Variants in MRPL39 observed in about 807,000 individuals in gnomAD.
The protein encoded by MRPL39 is mitochondrial ribosomal protein L39, also known as large ribosomal subunit protein mL39.
In MRPL39, 35 loss-of-function variants were observed where a neutral mutation model predicts 44.5. That is an observed-to-expected ratio of 0.79 (90% confidence interval 0.60 to 1.04). The LOEUF (loss-of-function observed/expected upper bound fraction) is 1.04. Ranked by LOEUF, MRPL39 falls within the 50% of genes least tolerant of loss-of-function variation. The pLI is 0.00. For synonymous variants in MRPL39, 139 were observed against 136.1 expected (o/e 1.02, Z -0.15); for missense variants, 433 against 413.5 (o/e 1.05, Z -0.41).
intron 5 of MRPL39, among the ~76,000 whole-genome samples, chr21:25,598,664 CTT>C (rs1414785740): frequency 6.6e-6 from 1 of 151,860 alleles, no homozygotes; most frequent in Non-Finnish European, 1.5e-5. Flanking sequence ...TTCTCTCTCT[CTT>C]CCCTCTCCCT....
intron 6 of MRPL39, among the ~76,000 whole-genome samples, chr21:25,595,891 A>G (rs2031340217): frequency 6.6e-6 from 1 of 152,188 alleles, no homozygotes. Flanking sequence ...AGTCCAAAGA[A>G]TTTTCTTGTC....
intron 6 of MRPL39, 128 bp downstream of exon 6, chr21:25,597,173 AG>A: frequency 1.7e-6 from 1 of 605,574 alleles, no homozygotes; most frequent in Non-Finnish European, 2.9e-6. Flanking sequence ...GAGATCACAG[AG>A]GTCTCAGACT....
At chr21:25,597,128 G>A (rs183101993) in intron 6 of MRPL39, among the ~76,000 whole-genome samples, 174 bp downstream of exon 6, 30 of 152,320 alleles carry the variant, frequency 2.0e-4, no homozygotes, top group Admixed American at 7.2e-4. Context: ...AAATTATCAA[G>A]GGACATGGGT....
chr21:25,601,502 A>G, intron 3 of MRPL39, 35 bp from the exon 4 acceptor site: 2 of 1,329,286 alleles, frequency 1.5e-6, no homozygotes, highest in Non-Finnish European at 2.1e-6. Context: ...AAATATATAT[A>G]AACACACTGA....
At chr21:25,601,313 A>C in intron 4 of MRPL39, 55 bp downstream of exon 4, 1 of 1,250,080 alleles carries the variant, frequency 8.0e-7, no homozygotes, top group Non-Finnish European at 1.1e-6. Flanking sequence ...TACGTCATCA[A>C]AAATAGGTAC....
At chr21:25,588,577 A>T (rs2031075499) in intron 9 of MRPL39, among the ~76,000 whole-genome samples, 1 of 152,220 alleles carries the variant, frequency 6.6e-6, no homozygotes, top group Non-Finnish European at 1.5e-5. Context: ...ATTACATAGT[A>T]ATATTCTTAT....
intron 7 of MRPL39, 79 bp from the exon 8 acceptor site, chr21:25,593,044 C>G (rs2031233557): frequency 1.6e-6 from 2 of 1,256,112 alleles, no homozygotes; most frequent in Non-Finnish European, 2.2e-6. Flanking sequence ...TCTCTTCCTT[C>G]TCTTTGCTGC....
At chr21:25,586,530 C>A (rs190751623) in intron 9 of MRPL39, among the ~76,000 whole-genome samples, 108 of 152,306 alleles carry the variant, frequency 7.1e-4, no homozygotes, top group African/African-American at 2.4e-3. Context: ...ACTCAAAATT[C>A]TCCAGTTACT....
At chr21:25,597,836 GTTTTC>G (rs1190144162) in intron 5 of MRPL39, among the ~76,000 whole-genome samples, 3 of 152,054 alleles carry the variant, frequency 2.0e-5, no homozygotes, top group African/African-American at 4.8e-5. Context: ...AAAAATTATT[GTTTTC>G]TTAATTAAGA....
chr21:25,607,329 C>CCGCCT, intron 1 of MRPL39, 74 bp downstream of exon 1: 2 of 1,553,602 alleles, frequency 1.3e-6, no homozygotes, highest in Non-Finnish European at 1.8e-6. Context: ...CTCCCCGGCC[C>CCGCCT]CGCCTCAGAC....
intron 1 of MRPL39, 141 bp downstream of exon 1, chr21:25,607,262 A>G: frequency 1.1e-6 from 1 of 892,314 alleles, no homozygotes; most frequent in Non-Finnish European, 1.7e-6. Flanking sequence ...AAGCTGTGCA[A>G]GAGCGACCGC....
At chr21:25,606,174 G>A (rs2031660091) in intron 2 of MRPL39, among the ~76,000 whole-genome samples, 1 of 152,140 alleles carries the variant, frequency 6.6e-6, no homozygotes, top group Non-Finnish European at 1.5e-5. Flanking sequence ...GAGAGACAGG[G>A]TGGCTATGGT....
intron 5 of MRPL39, among the ~76,000 whole-genome samples, chr21:25,598,326 C>T (rs1032236968): frequency 6.6e-6 from 1 of 151,496 alleles, no homozygotes; most frequent in Non-Finnish European, 1.5e-5. Flanking sequence ...AAAAGCCAAG[C>T]ACAGTGGCAT....
In MRPL39 at chr21:25,601,362, C is replaced by T. The variant is rs201751846; in HGVS notation, c.520+6G>A. The T allele has an allele frequency of 2.4e-6, 3 of 1,234,258 alleles. No individual in the cohort carries two copies. Among genetic ancestry groups the T allele is most frequent in the South Asian group, 1.3e-5 (1 of 79,612 alleles). The allele number at this position is 1,234,258 out of a possible 1,614,324, so 76.5% of individuals were successfully genotyped here. On this transcript the variant is annotated splice_donor_region_variant and intron_variant, in intron 4 of 9. Transcript: ENST00000352957. Reference sequence around the variant, plus strand: ...GATCACAAAAAGACATATATGTATACACTACCAGGAACTTCTGGAGCTCTG... The same window carrying T: ...GATCACAAAAAGACATATATGTATATACTACCAGGAACTTCTGGAGCTCTG...
chr21:25,586,359 A>G (rs1357266980), intron 9 of MRPL39, among the ~76,000 whole-genome samples: 1 of 152,166 alleles, frequency 6.6e-6, no homozygotes, highest in Non-Finnish European at 1.5e-5. Context: ...ATTCAGCCTA[A>G]GTTAACTCTC....
chr21:25,602,890 C>T (rs1279168690), intron 3 of MRPL39, among the ~76,000 whole-genome samples: 1 of 152,236 alleles, frequency 6.6e-6, no homozygotes, highest in Non-Finnish European at 1.5e-5. Flanking sequence ...CCACCCAAAT[C>T]TCATCTCGAA....
At chr21:25,604,309 G>A (rs2031605295) in intron 2 of MRPL39, among the ~76,000 whole-genome samples, 1 of 151,950 alleles carries the variant, frequency 6.6e-6, no homozygotes, top group Non-Finnish European at 1.5e-5. Flanking sequence ...AGGTCTTATT[G>A]GTTATTAACA....
At chr21:25,588,803 A>G (rs1436483981) in intron 9 of MRPL39, 32 bp downstream of exon 9, 1 of 1,573,662 alleles carries the variant, frequency 6.4e-7, no homozygotes, top group East Asian at 2.2e-5. Context: ...TTCTTTATAG[A>G]AGAGTACTCA....
chr21:25,602,871 C>T (rs1265442053), intron 3 of MRPL39, among the ~76,000 whole-genome samples: 1 of 152,162 alleles, frequency 6.6e-6, no homozygotes, highest in African/African-American at 2.4e-5. Flanking sequence ...ATGGTTTAGC[C>T]CTGTGTTCCC....
Sources: allele counts gnomAD v4.1 joint callset (sites outside exome capture counted in the v4.1 genomes callset), GRCh38; gene constraint gnomAD v4.1.1; transcripts MANE v1.5; gene names NCBI Gene and HGNC (gene_info 2026-07-23, HGNC 2026-07-21).